The following ECT2L variants were observed in gnomAD, a reference collection of about 807,000 sequenced individuals.
ECT2L encodes the protein epithelial cell transforming 2 like.
Under a neutral mutation model 122.8 loss-of-function variants are expected in ECT2L, and 126 were observed. The observed-to-expected ratio is 1.03, with a 90% CI of 0.89 to 1.19. The LOEUF (loss-of-function observed/expected upper bound fraction) is 1.19. Ranked by LOEUF, ECT2L falls within the 50% of genes most tolerant of loss-of-function variation. The pLI is 0.00. For missense variants in ECT2L, 1,012 were observed against 1,064.1 expected, an observed-to-expected ratio of 0.95 and a Z score of 0.68; for synonymous variants, 385 against 381.8, an observed-to-expected ratio of 1.01 and a Z score of -0.10.
intron 11 of ECT2L, among the ~76,000 whole-genome samples, chr6:138,863,708 T>G (rs1052194757): frequency 1.3e-5 from 2 of 151,618 alleles, no homozygotes; most frequent in African/African-American, 4.8e-5. Flanking sequence ...CTCCGCCTCC[T>G]GGGTTCAGGC....
chr6:138,821,614 G>C (rs1001819128), intron 4 of ECT2L, among the ~76,000 whole-genome samples: 1 of 152,186 alleles, frequency 6.6e-6, no homozygotes, highest in African/African-American at 2.4e-5. Flanking sequence ...AGAAATTAGG[G>C]TTATTTCACC....
At chr6:138,804,582 A>AAC (rs367560936) in intron 1 of ECT2L, among the ~76,000 whole-genome samples, 10,563 of 146,384 alleles carry the variant, frequency 0.072, 482 homozygotes, top group African/African-American at 0.14. Flanking sequence ...TGAAGTTTTA[A>AAC]ACACACACAC....
chr6:138,809,572 C>T (rs1039869807), intron 1 of ECT2L, among the ~76,000 whole-genome samples: 1 of 152,088 alleles, frequency 6.6e-6, no homozygotes, highest in Non-Finnish European at 1.5e-5. Context: ...TCAAAATTTA[C>T]ATAAATCCAA....
intron 7 of ECT2L, 75 bp downstream of exon 7, chr6:138,844,655 A>G: frequency 2.9e-6 from 4 of 1,385,958 alleles, no homozygotes; most frequent in African/African-American, 1.4e-5. Flanking sequence ...AAATTTAGCT[A>G]TCACGCAGAA....
intron 9 of ECT2L, among the ~76,000 whole-genome samples, chr6:138,852,985 T>C (rs1777501463): frequency 6.6e-6 from 1 of 152,200 alleles, no homozygotes; most frequent in African/African-American, 2.4e-5. Flanking sequence ...TGTTTTTGTT[T>C]GAGATGGAGT....
chr6:138,858,729 C>T (rs541110160), intron 10 of ECT2L, among the ~76,000 whole-genome samples: 2 of 79,574 alleles, frequency 2.5e-5, no homozygotes, highest in African/African-American at 1.0e-4. Context: ...TTTTTTGAGA[C>T]AGGGTCTGCT....
chr6:138,807,511 T>TCTCTAGACTCCACTACACCGTCTC, intron 1 of ECT2L, among the ~76,000 whole-genome samples: 1 of 152,258 alleles, frequency 6.6e-6, no homozygotes, highest in African/African-American at 2.4e-5. Context: ...CACTAGCCTT[T>TCTCTAGACTCCACTACACCGTCTC]CTCTAGACTC....
chr6:138,901,847 A>C (rs1346911540), intron 21 of ECT2L, among the ~76,000 whole-genome samples: 1 of 152,214 alleles, frequency 6.6e-6, no homozygotes, highest in Non-Finnish European at 1.5e-5. Context: ...GTTGGAACCC[A>C]AGACCTTACA....
chr6:138,849,528 G>A, intron 9 of ECT2L, 94 bp downstream of exon 9: 1 of 1,243,098 alleles, frequency 8.0e-7, no homozygotes, highest in East Asian at 2.9e-5. Context: ...TCAGTTCCAA[G>A]TTGCTAAGAC....
At chr6:138,799,430 C>T (rs1004816605) in intron 1 of ECT2L, among the ~76,000 whole-genome samples, 5 of 151,620 alleles carry the variant, frequency 3.3e-5, no homozygotes, top group African/African-American at 7.3e-5. Context: ...ATTTTTTTTG[C>T]ATTTTTAGTA....
chr6:138,814,987 A>G (rs921112440), intron 4 of ECT2L, among the ~76,000 whole-genome samples: 13 of 152,392 alleles, frequency 8.5e-5, no homozygotes, highest in African/African-American at 3.1e-4. Flanking sequence ...TCTACAAAAT[A>G]TATGACAAGT....
chr6:138,832,133 C>T (rs1022423848), intron 4 of ECT2L, among the ~76,000 whole-genome samples: 11 of 151,426 alleles, frequency 7.3e-5, no homozygotes. Flanking sequence ...ATCCAACTTA[C>T]TCAGTTTTCT....
At chr6:138,860,134 G>A (rs1777771408) in intron 10 of ECT2L, among the ~76,000 whole-genome samples, 1 of 152,128 alleles carries the variant, frequency 6.6e-6, no homozygotes, top group South Asian at 2.1e-4. Context: ...CTGAAGCACA[G>A]TTCTGAGTTT....
intron 21 of ECT2L, among the ~76,000 whole-genome samples, chr6:138,902,222 T>A (rs1357773013): frequency 6.6e-6 from 1 of 152,200 alleles, no homozygotes; most frequent in Non-Finnish European, 1.5e-5. Context: ...TCCAGTTCCT[T>A]CTGGAGTGAT....
chr6:138,857,594 T>C (rs956528332), intron 10 of ECT2L, among the ~76,000 whole-genome samples: 5 of 152,254 alleles, frequency 3.3e-5, no homozygotes, highest in African/African-American at 9.6e-5. Context: ...TATGGAAGCA[T>C]CTGATGCAGA....
At chr6:138,848,233 A>G (rs1030112036) in intron 8 of ECT2L, among the ~76,000 whole-genome samples, 2 of 152,342 alleles carry the variant, frequency 1.3e-5, no homozygotes, top group East Asian at 3.9e-4. Context: ...TGCATGTCCA[A>G]TAAATTTTTG....
chr6:138,861,158 T>G (rs779069782), intron 10 of ECT2L, among the ~76,000 whole-genome samples: 3 of 152,210 alleles, frequency 2.0e-5, no homozygotes, highest in Non-Finnish European at 4.4e-5. Context: ...TTCCAAGTCT[T>G]TGCTATTGTA....
intron 4 of ECT2L, among the ~76,000 whole-genome samples, chr6:138,817,307 G>C (rs1052232394): frequency 6.6e-6 from 1 of 152,170 alleles, no homozygotes; most frequent in African/African-American, 2.4e-5. Flanking sequence ...GAGTGGAATT[G>C]CTGGGTCCAA....
chr6:138,837,862 C>T (rs1199776139), intron 4 of ECT2L, among the ~76,000 whole-genome samples: 1 of 150,408 alleles, frequency 6.6e-6, no homozygotes, highest in South Asian at 2.1e-4. Flanking sequence ...TATTCTTGTT[C>T]TTTGTCTTCC....
Sources: gnomAD v4.1 joint callset for allele counts (sites outside exome capture counted in the v4.1 genomes callset) on GRCh38, gnomAD v4.1.1 for gene constraint, MANE v1.5 for transcripts, NCBI Gene and HGNC (gene_info 2026-07-23, HGNC 2026-07-21) for gene names.